RNF128: variants seen among roughly 807,000 people sequenced by gnomAD.
RNF128 encodes the protein E3 ubiquitin-protein ligase RNF128.
Under a neutral mutation model 26.2 loss-of-function variants are expected in RNF128, and 13 were observed. The observed-to-expected ratio is 0.50, with a 90% CI of 0.32 to 0.79. The LOEUF is 0.79. Ranked by LOEUF, RNF128 falls within the 30% of genes least tolerant of loss-of-function variation. The pLI, the probability that RNF128 is intolerant of heterozygous loss-of-function variation, is 0.03. For missense variants in RNF128, 315 were observed against 349.7 expected, an observed-to-expected ratio of 0.90 and a Z score of 0.79; for synonymous variants, 149 against 142.5, an observed-to-expected ratio of 1.05 and a Z score of -0.32.
chrX:106,701,966 G>T (rs774588237), intron 1 of RNF128, among the ~76,000 whole-genome samples: 1 of 110,559 alleles, frequency 9.0e-6, no homozygotes, highest in Non-Finnish European at 1.9e-5. Flanking sequence ...AACATGTTAC[G>T]CCTGGAAAAT....
chrX:106,694,669 T>C (rs1928847279), intron 1 of RNF128, among the ~76,000 whole-genome samples: 1 of 111,700 alleles, frequency 9.0e-6, no homozygotes, highest in Admixed American at 9.6e-5. Flanking sequence ...GTGGGCATTA[T>C]ATCGTGAGTT....
chrX:106,763,884 T>C (rs772107820), intron 1 of RNF128, among the ~76,000 whole-genome samples: 1 of 112,115 alleles, frequency 8.9e-6, no homozygotes, highest in African/African-American at 3.2e-5. Context: ...CACAGCATTG[T>C]TGCTAAGATG....
intron 1 of RNF128, among the ~76,000 whole-genome samples, chrX:106,767,015 C>T (rs1200073341): frequency 9.0e-6 from 1 of 111,275 alleles, no homozygotes; most frequent in African/African-American, 3.3e-5. Flanking sequence ...TGTCAAAGAT[C>T]GGATGGTTGT....
chrX:106,768,309 C>T (rs1383123721), intron 1 of RNF128, among the ~76,000 whole-genome samples: 3 of 111,721 alleles, frequency 2.7e-5, no homozygotes, highest in African/African-American at 9.8e-5. Flanking sequence ...TCTCTTTGTA[C>T]CTCTGGTAGA....
intron 2 of RNF128, among the ~76,000 whole-genome samples, chrX:106,775,993 C>G (rs1190191987): frequency 8.9e-6 from 1 of 112,251 alleles, no homozygotes; most frequent in Non-Finnish European, 1.9e-5. Flanking sequence ...TGTGTAAGAA[C>G]ACATATCATC....
chrX:106,726,151 C>G (rs1458014160), upstream of RNF128, among the ~76,000 whole-genome samples: 1 of 111,923 alleles, frequency 8.9e-6, no homozygotes, highest in Admixed American at 9.4e-5. Context: ...TACATGAAAC[C>G]TAGGGTAACG....
At chrX:106,694,157 G>A (rs1285679950) in exon 1 of RNF128, 32 of 1,211,013 alleles carry the variant, frequency 2.6e-5, no homozygotes, top group Non-Finnish European at 3.4e-5. Flanking sequence ...TGTGAATGTG[G>A]CGTTTATGGA....
chrX:106,776,419 A>G (rs1327725038), intron 2 of RNF128, among the ~76,000 whole-genome samples: 2 of 112,138 alleles, frequency 1.8e-5, no homozygotes, highest in Non-Finnish European at 3.8e-5. Context: ...AGGATTTACT[A>G]ACTAAAATAG....
At chrX:106,711,168 G>A (rs1241126020) in intron 1 of RNF128, among the ~76,000 whole-genome samples, 1 of 112,157 alleles carries the variant, frequency 8.9e-6, no homozygotes, top group Non-Finnish European at 1.9e-5. Context: ...ATAGGAGCCA[G>A]CCTCTCTCCC....
intron 1 of RNF128, among the ~76,000 whole-genome samples, chrX:106,756,980 A>G (rs1195693392): frequency 1.0e-4 from 8 of 76,749 alleles, no homozygotes; most frequent in South Asian, 7.7e-4. Flanking sequence ...AACACATGAA[A>G]AAATGCTCAT....
At chrX:106,733,709 TA>T (rs994500391) in intron 1 of RNF128, among the ~76,000 whole-genome samples, 1 of 111,560 alleles carries the variant, frequency 9.0e-6, no homozygotes, top group Non-Finnish European at 1.9e-5. Flanking sequence ...TTTATTTATT[TA>T]TTTTTTTTGA....
intron 6 of RNF128, among the ~76,000 whole-genome samples, chrX:106,791,690 A>T (rs779327713): frequency 1.4e-4 from 16 of 111,461 alleles, no homozygotes; most frequent in African/African-American, 5.2e-4. Context: ...CTGTTTAAGA[A>T]TGGTATGTGC....
intron 4 of RNF128, among the ~76,000 whole-genome samples, chrX:106,788,997 C>T (rs1206262358): frequency 3.8e-5 from 3 of 78,364 alleles, no homozygotes. Flanking sequence ...AGTATATATA[C>T]TATATACTGA....
intron 1 of RNF128, among the ~76,000 whole-genome samples, chrX:106,713,377 G>A (rs911110265): frequency 9.1e-6 from 1 of 110,267 alleles, no homozygotes; most frequent in Non-Finnish European, 1.9e-5. Context: ...GGCTGGTGGC[G>A]CAGCCTGTAG....
intron 5 of RNF128, among the ~76,000 whole-genome samples, chrX:106,790,489 A>C (rs1397595973): frequency 9.0e-6 from 1 of 110,626 alleles, no homozygotes; most frequent in Non-Finnish European, 1.9e-5. Flanking sequence ...AAATAGACTC[A>C]TTATTTGGTC....
rs1036553813 is a variant in RNF128 at position 106,791,155 on chromosome X, C to T, written c.1074C>T (p.Arg358=). Residue 358 remains arginine, a synonymous_variant, in exon 6 of 7, where the codon CGC becomes CGT. Coordinates refer to ENST00000255499, the MANE Select transcript of RNF128 (RefSeq NM_194463.2). ...CCTCCTCCCATGAAGAGGATAATCG[C>T]AGCGAGACCGCATCATCTGGATATG... ...NSASSHEEDN[R]SETASSGYAS... The T allele has an allele frequency of 8.3e-7, 1 of 1,209,316 alleles. No homozygotes were observed. Among genetic ancestry groups the T allele is most frequent in the Non-Finnish European group, 1.1e-6 (1 of 893,884 alleles).
Position 106,727,019 on chromosome X carries a change from T to C in RNF128, c.106T>C (p.Ser36Pro), listed in dbSNP as rs1454708219. 2.7e-5 allele frequency: 32 copies of C among 1,206,068 alleles called. No individual in the cohort carries two copies. Among genetic ancestry groups the C allele is most frequent in the Non-Finnish European group, 3.6e-5 (32 of 893,256 alleles). Residue 36 changes from serine (S) to proline (P), a missense_variant, in exon 1 of 7, where the codon TCC (serine) becomes CCC (proline). Physicochemically the swap from Ser to Pro is moderately conservative, Grantham distance 74. Transcript: ENST00000255499. ...GGCCCTGAGTCCGCAGGCACCCGGTTCCCGGGGGGCTGAAGCAGTGTGGAC... is the reference window on the plus strand; with the variant it reads ...GGCCCTGAGTCCGCAGGCACCCGGTCCCCGGGGGGCTGAAGCAGTGTGGAC... Reference protein sequence around the residue: ...LLALSPQAPGSRGAEAVWTAY... With the variant: ...LLALSPQAPGPRGAEAVWTAY...
At chrX:106,786,703 A>G (rs1930663951) in intron 3 of RNF128, among the ~76,000 whole-genome samples, 1 of 111,232 alleles carries the variant, frequency 9.0e-6, no homozygotes, top group African/African-American at 3.3e-5. Flanking sequence ...TGCAAATCAT[A>G]TGTCTGTTAA....
intron 2 of RNF128, among the ~76,000 whole-genome samples, chrX:106,782,520 T>G (rs367774801): frequency 9.0e-6 from 1 of 111,466 alleles, no homozygotes; most frequent in Admixed American, 9.6e-5. Context: ...TGTAATGGAC[T>G]CTTGGAATAT....
Sources: allele counts gnomAD v4.1 joint callset (sites outside exome capture counted in the v4.1 genomes callset), GRCh38; gene constraint gnomAD v4.1.1; transcripts MANE v1.5; gene names NCBI Gene and HGNC (gene_info 2026-07-23, HGNC 2026-07-21).